ATP1A3: variants seen among roughly 807,000 people sequenced by gnomAD.
ATP1A3 encodes the protein sodium/potassium-transporting ATPase subunit alpha-3.
Under a neutral mutation model 108.8 loss-of-function variants are expected in ATP1A3, and 12 were observed. The ratio of observed to expected loss-of-function variants is 0.11; its 90% CI spans 0.07 to 0.18. The LOEUF (loss-of-function observed/expected upper bound fraction) is 0.18, where lower values mean the gene tolerates loss of function less well. ATP1A3 is among the 10% of genes least tolerant of loss of function. The pLI, the probability that ATP1A3 is intolerant of heterozygous loss-of-function variation, is 1.00. For missense variants in ATP1A3, 498 were observed against 1,387.7 expected (o/e 0.36, Z 10.19); for synonymous variants, 539 against 564.5 (o/e 0.95, Z 0.64).
chr19:41,975,233 A>G (rs1352357301), intron 16 of ATP1A3, among the ~76,000 whole-genome samples: 1 of 152,122 alleles, frequency 6.6e-6, no homozygotes, highest in African/African-American at 2.4e-5. Flanking sequence ...TTGTATTTTT[A>G]GTAGAGACGG....
At chr19:41,972,803 G>GGGGAAGGAAGGAAGGAAA (rs2075123790) in intron 16 of ATP1A3, among the ~76,000 whole-genome samples, 1 of 97,380 alleles carries the variant, frequency 1.0e-5, no homozygotes, top group South Asian at 3.3e-4. Flanking sequence ...AAGGAAGGAA[G>GGGGAAGGAAGGAAGGAAA]GGGAAGGAAG....
At chr19:41,984,848 C>T in intron 8 of ATP1A3, 70 bp downstream of exon 8, 1 of 1,530,136 alleles carries the variant, frequency 6.5e-7, no homozygotes. Context: ...GATCCCAGCC[C>T]CTCCTCCCTC....
intron 14 of ATP1A3, among the ~76,000 whole-genome samples, chr19:41,977,022 G>T (rs1034588683): frequency 2.0e-5 from 3 of 151,594 alleles, no homozygotes. Flanking sequence ...TGGCCAGGCT[G>T]CTCTCGAACT....
Position 41,978,246 on chromosome 19 carries a change from C to T in ATP1A3, c.1711G>A (p.Asp571Asn), listed in dbSNP as rs782694072. 4 of 1,614,050 alleles carry T rather than the reference C, an allele frequency of 2.5e-6. No individual in the cohort carries two copies. Among genetic ancestry groups the T allele is most frequent in the Non-Finnish European group, 3.4e-6 (4 of 1,179,968 alleles). Reference sequence around the variant, plus strand: ...ATGAGGCCCACAAAGCAGAGGTTGTCCGTGGTGAAGTTCACGTCATCACAG... The same window carrying T: ...ATGAGGCCCACAAAGCAGAGGTTGTTCGTGGTGAAGTTCACGTCATCACAG... ...FDCDDVNFTT[D>N]NLCFVGLMSM... Residue 571 changes from aspartate (D) to asparagine (N), a missense_variant, in exon 13 of 23, where the codon GAC becomes AAC. Asp to Asn is a conservative substitution (Grantham distance 23). Around this residue, in one of 9 missense-constraint regions of ATP1A3, gnomAD observed 92 missense variants for 168.7 expected, o/e 0.55. Transcript: ENST00000648268. The surrounding 1 kb of genome is among the most constrained non-coding windows in gnomAD (Gnocchi z 8.3).
chr19:41,967,795 G>C lies in ATP1A3; in HGVS notation c.2820-32C>G. On this transcript the variant is annotated intron_variant, in intron 20 of 22. Transcript: ENST00000648268. The surrounding 1 kb of genome is among the most constrained non-coding windows in gnomAD (Gnocchi z 4.2). The stretch of plus-strand genomic sequence containing the variant: ...GCACAGAAGGGCAGGGCTGGGCCCA[G>C]AGAGCACCCACCCTGCACCTGCCAC... The C allele has an allele frequency of 6.2e-7, 1 of 1,604,224 alleles. No individual in the cohort carries two copies. Among genetic ancestry groups the C allele is most frequent in the African/African-American group, 1.3e-5 (1 of 74,890 alleles).
chr19:41,979,178 T>C (rs1277027387), intron 11 of ATP1A3, among the ~76,000 whole-genome samples: 1 of 151,096 alleles, frequency 6.6e-6, no homozygotes, highest in Non-Finnish European at 1.5e-5. Flanking sequence ...AACTTTTGTA[T>C]TTTTAGTAGA....
chr19:41,971,774 G>T (rs1015661615), intron 16 of ATP1A3, among the ~76,000 whole-genome samples: 10 of 152,082 alleles, frequency 6.6e-5, no homozygotes, highest in Non-Finnish European at 4.4e-5. Context: ...TAAATGGGGG[G>T]CTGGAATGGT....
chr19:41,990,811 C>T (rs2075330869), intron 1 of ATP1A3: 1 of 151,890 alleles, frequency 6.6e-6, no homozygotes, highest in African/African-American at 2.4e-5. Flanking sequence ...CTATTTCTGT[C>T]TCTCTGAGAT....
Position 41,967,604 on chromosome 19 carries a change from G to C in ATP1A3, c.2921+58C>G. 1.3e-6 allele frequency: 2 copies of C among 1,571,976 alleles called. No individual in the cohort carries two copies. Among genetic ancestry groups the C allele is most frequent in the Non-Finnish European group, 1.7e-6 (2 of 1,147,160 alleles). On this transcript the variant is annotated intron_variant, in intron 21 of 22. Transcript: ENST00000648268. The surrounding 1 kb of genome is among the most constrained non-coding windows in gnomAD (Gnocchi z 4.2). ...GGCCTGAGGTTCAGGCTGAGTCTAA[G>C]GGAAGGCTCCATGGCAGGCGCTGGT...
At chr19:41,983,585 A>ATT (rs1568863656) in intron 8 of ATP1A3, among the ~76,000 whole-genome samples, 3 of 144,338 alleles carry the variant, frequency 2.1e-5, no homozygotes, top group African/African-American at 5.1e-5. Context: ...TAATAATAAT[A>ATT]ATTATTATTA....
chr19:41,983,235 G>A (rs1414634137), intron 8 of ATP1A3, among the ~76,000 whole-genome samples: 2 of 151,980 alleles, frequency 1.3e-5, no homozygotes, highest in South Asian at 2.1e-4. Context: ...CCACCATCAC[G>A]CCTGGCTAAT....
At chr19:41,987,831 G>T in intron 4 of ATP1A3, 105 bp downstream of exon 4, 1 of 1,375,398 alleles carries the variant, frequency 7.3e-7, no homozygotes, top group Middle Eastern at 2.5e-4. Flanking sequence ...GGGAAAAAGG[G>T]GGAGAGTGGG....
At position 41,977,960 on chromosome 19, in the gene ATP1A3, A is replaced by G; in HGVS notation, c.1919T>C (p.Ile640Thr). 6.2e-7 allele frequency: 1 copy of G among 1,614,170 alleles called. No homozygotes were observed. Among genetic ancestry groups the G allele is most frequent in the African/African-American group, 1.3e-5 (1 of 75,052 alleles). The change falls in exon 14 of 23, where the codon ATT (isoleucine) becomes ACT (threonine). Residue 640 changes from isoleucine to threonine, a missense_variant. Physicochemically the swap from Ile to Thr is moderately conservative, Grantham distance 89. Coordinates refer to ENST00000648268, the MANE Select transcript of ATP1A3 (RefSeq NM_152296.5). ...TVEDIAARLNIPVSQVNPRDA... is the reference protein window; with the variant it reads ...TVEDIAARLNTPVSQVNPRDA... Reference sequence around the variant, plus strand: ...CCGGGGGTTAACCTGGCTGACGGGAATGTTGAGCCGGGCGGCGATGTCCTC... The same window carrying G: ...CCGGGGGTTAACCTGGCTGACGGGAGTGTTGAGCCGGGCGGCGATGTCCTC...
At chr19:41,976,720 G>C (rs1157660755) in intron 14 of ATP1A3, among the ~76,000 whole-genome samples, 154 bp from the exon 15 acceptor site, 4 of 152,182 alleles carry the variant, frequency 2.6e-5, no homozygotes, top group Non-Finnish European at 5.9e-5. Flanking sequence ...AGAAGCAGGG[G>C]AGAAGGGGGC....
intron 16 of ATP1A3, among the ~76,000 whole-genome samples, chr19:41,972,180 G>A (rs1472994676): frequency 6.6e-6 from 1 of 152,124 alleles, no homozygotes; most frequent in Non-Finnish European, 1.5e-5. Context: ...AACCTCAGAG[G>A]CAGACGTTGC....
At chr19:41,969,206 A>T (rs2145945328) in intron 19 of ATP1A3, among the ~76,000 whole-genome samples, 1 of 152,292 alleles carries the variant, frequency 6.6e-6, no homozygotes, top group South Asian at 2.1e-4. Flanking sequence ...GAAGGGACAG[A>T]CAGAGGTGGG....
In ATP1A3 at chr19:41,978,376, C is replaced by T. The variant is rs782325333; in HGVS notation, c.1631-50G>A. 3.2e-5 allele frequency: 50 copies of T among 1,555,846 alleles called. No homozygotes were observed. Among genetic ancestry groups the T allele is most frequent in the Non-Finnish European group, 4.0e-5 (46 of 1,149,182 alleles). On this transcript the variant is annotated intron_variant, in intron 12 of 22. Coordinates refer to ENST00000648268, the MANE Select transcript of ATP1A3 (RefSeq NM_152296.5). This position sits in a 1 kb window ranked among gnomAD's most constrained non-coding sequence, Gnocchi z 8.3. ...GTGAGGGTCCCAGCCTCGGAACCTC[C>T]GCCCCATGCCCCTAGATGTCTGCAT...
At chr19:41,977,573 C>T (rs139293701) in intron 14 of ATP1A3, among the ~76,000 whole-genome samples, 6,937 of 151,924 alleles carry the variant, frequency 0.046, 236 homozygotes, top group Middle Eastern at 0.093. Flanking sequence ...GGTGGAGGGC[C>T]CCTGTAATCC....
Position 41,981,604 on chromosome 19 carries a change from G to C in ATP1A3, c.1335C>G (p.Ala445=). ...AGGACAGCTCGATGCACTTGAGCAG[G>C]GCAGACTCAGACGCATCCCCAGCCA... The part of the protein sequence containing the change: ...RDVAGDASES[A]LLKCIELSSG... Residue 445 remains alanine, a synonymous_variant, in exon 11 of 23, where the codon GCC becomes GCG. Coordinates refer to ENST00000648268, the MANE Select transcript of ATP1A3 (RefSeq NM_152296.5). The surrounding 1 kb of genome is among the most constrained non-coding windows in gnomAD (Gnocchi z 5.0). 2 of 1,614,168 alleles carry C rather than the reference G, an allele frequency of 1.2e-6. No homozygotes were observed. The highest frequency in any genetic ancestry group is 1.7e-6 in the Non-Finnish European group (2 of 1,180,050).
Sources: gnomAD v4.1 joint callset for allele counts (sites outside exome capture counted in the v4.1 genomes callset) on GRCh38, gnomAD v4.1.1 for gene constraint, gnomAD v4.1.1 regional missense constraint, Gnocchi (gnomAD v3.1) non-coding constraint, MANE v1.5 for transcripts, NCBI Gene and HGNC (gene_info 2026-07-23, HGNC 2026-07-21) for gene names.